The following ZNF555 variants were observed in gnomAD, a reference collection of about 807,000 sequenced individuals.
ZNF555 encodes the protein zinc finger protein 555.
In ZNF555, 10 loss-of-function variants were observed where a neutral mutation model predicts 14.0. The ratio of observed to expected loss-of-function variants is 0.72; its 90% confidence interval spans 0.44 to 1.21. The LOEUF (loss-of-function observed/expected upper bound fraction) is 1.21. Among genes scored for constraint, ZNF555 ranks in the 50% most tolerant of loss-of-function variants. The pLI is 0.00. For synonymous variants in ZNF555, 277 were observed against 262.4 expected (o/e 1.06, Z -0.54); for missense variants, 747 against 762.0 (o/e 0.98, Z 0.23).
In ZNF555 at chr19:2,860,055, T is replaced by G. The variant is rs1301720574; in HGVS notation, c.*6103T>G. ...GAATGCAAGTCAAGTACACTTTGTA[T>G]GGACAGTGGTAATTCCTAAGAAGGA... On this transcript the variant is annotated 3_prime_UTR_variant, in exon 4 of 4. Transcript: ENST00000334241. 6.6e-6 allele frequency: 1 copy of G among 152,166 alleles called. No individual in the cohort carries two copies. The highest frequency in any genetic ancestry group is 6.6e-5 in the Admixed American group (1 of 15,264). The allele number at this position is 152,166 out of a possible 1,614,324, so 9.4% of individuals were successfully genotyped here. A position where few individuals can be genotyped will look rare whatever the true frequency, so the allele number is the denominator to read the frequency against.
chr19:2,843,855 C>A (rs2087559037), intron 1 of ZNF555, among the ~76,000 whole-genome samples: 1 of 152,066 alleles, frequency 6.6e-6, no homozygotes, highest in African/African-American at 2.4e-5. Context: ...GGCTGTGTCC[C>A]TTTACTTTGT....
intron 1 of ZNF555, 68 bp downstream of exon 1, chr19:2,841,643 C>T (rs2087536861): frequency 7.0e-7 from 1 of 1,436,864 alleles, no homozygotes; most frequent in East Asian, 3.0e-5. Context: ...GAGACCGCGG[C>T]TTGGGGGGAG....
Position 2,844,098 on chromosome 19 carries a change from C to CT in ZNF555, c.3+2543dup, listed in dbSNP as rs1215032735. Among the ~76,000 whole-genome samples the CT allele has an allele frequency of 7.2e-3, 419 of 58,134 alleles. 3 individuals carry two copies. Among genetic ancestry groups the CT allele is most frequent in the Admixed American group, 0.013 (47 of 3,618 alleles). The allele number at this position is 58,134 out of a possible 152,430, so 38.1% of individuals were successfully genotyped here. On this transcript the variant is annotated intron_variant, in intron 1 of 3. Transcript: ENST00000334241. ...TCTTTCCTTTCTCTCTCTCTCTTTTCTTTTTTTTTTTTTTTTTTTTAAAGA... is the reference window on the plus strand; with the variant it reads ...TCTTTCCTTTCTCTCTCTCTCTTTTCTTTTTTTTTTTTTTTTTTTTTAAAGA...
rs940986148 is a variant in ZNF555, at chr19:2,850,479, G to A, written c.4-108G>A. 5 of 1,473,870 alleles carry A rather than the reference G, an allele frequency of 3.4e-6. No individual in the cohort carries two copies. The African/African-American group carries it at 5.6e-5, about 17-fold the overall frequency. The allele number at this position is 1,473,870 out of a possible 1,614,324, so 91.3% of individuals were successfully genotyped here. ...GGTGTGACAACTGAGTCACAGGGTA[G>A]ATGTCAGGGAATCACAGAATCTTGT... On this transcript the variant is annotated intron_variant, in intron 1 of 3. Coordinates refer to ENST00000334241, the MANE Select transcript of ZNF555 (RefSeq NM_152791.5).
At position 2,852,789 on chromosome 19, in the gene ZNF555, A is replaced by G. The variant is rs775903186; in HGVS notation, c.724A>G (p.Ser242Gly). Residue 242 changes from serine to glycine, a missense_variant, in exon 4 of 4, where the codon AGT (serine) becomes GGT (glycine). By Grantham distance (56) the Ser-to-Gly change is moderately conservative (BLOSUM62 0). Coordinates refer to ENST00000334241, the MANE Select transcript of ZNF555 (RefSeq NM_152791.5). ...TGGGAAAGCCTTTATTGACTTCTCA[A>G]GTCTTACTAGTCATCTCAGAAGTCA... is the stretch of plus-strand genomic sequence containing the variant. ...QCGKAFIDFS[S>G]LTSHLRSHTG... is the part of the protein sequence containing the mutation. The G allele has an allele frequency of 3.9e-5, 63 of 1,614,002 alleles. No individual in the cohort carries two copies. Among genetic ancestry groups the G allele is most frequent in the Non-Finnish European group, 5.0e-5 (59 of 1,180,012 alleles).
At chr19:2,844,378 C>T (rs887982209) in intron 1 of ZNF555, among the ~76,000 whole-genome samples, 5 of 151,438 alleles carry the variant, frequency 3.3e-5, no homozygotes, top group African/African-American at 1.2e-4. Flanking sequence ...GCTGGGATTA[C>T]AGGCGGGAGC....
chr19:2,853,093 A>G lies in ZNF555; in HGVS notation c.1028A>G (p.Lys343Arg), dbSNP rs2087648488. 3 of 1,614,214 alleles carry G rather than the reference A, an allele frequency of 1.9e-6. No homozygotes were observed. The highest frequency in any genetic ancestry group is 2.5e-6 in the Non-Finnish European group (3 of 1,180,032). The change falls in exon 4 of 4, where the codon AAA becomes AGA. Residue 343 changes from lysine to arginine, a missense_variant. Physicochemically the swap from Lys to Arg is conservative, Grantham distance 26. Coordinates refer to ENST00000334241, the MANE Select transcript of ZNF555 (RefSeq NM_152791.5). ...THTGEKPYEC[K>R]QCGKTFIYLQ... The stretch of plus-strand genomic sequence containing the variant: ...ACTGGAGAGAAACCCTACGAATGCA[A>G]ACAATGTGGGAAAACCTTCATTTAT...
Position 2,852,486 on chromosome 19 carries a change from A to G in ZNF555, c.421A>G (p.Lys141Glu), listed in dbSNP as rs762384295. 12 of 1,614,024 alleles carry G rather than the reference A, an allele frequency of 7.4e-6. No individual in the cohort carries two copies. The highest frequency in any genetic ancestry group is 3.4e-6 in the Non-Finnish European group (4 of 1,180,048). The stretch of plus-strand genomic sequence containing the variant: ...GTACAAGAAAATTCCACCTGGAGTA[A>G]AACAGTATGAATACAACACGTACGG... ...NLYKKIPPGV[K>E]QYEYNTYGKV... Residue 141 changes from lysine to glutamate, a missense_variant, in exon 4 of 4, where the codon AAA becomes GAA. By Grantham distance (56) the Lys-to-Glu change is moderately conservative (BLOSUM62 1). Transcript: ENST00000334241.
Position 2,853,654 on chromosome 19 carries a change from A to G in ZNF555, c.1589A>G (p.His530Arg). The G allele has an allele frequency of 6.3e-7, 1 of 1,594,304 alleles. No homozygotes were observed. The highest frequency in any genetic ancestry group is 1.3e-5 in the African/African-American group (1 of 74,512). ...CTTTTGCAACAACATGTGAGAACGC[A>G]CACTGTAGAGAAGCCCTATGAATGT... ...PELLQQHVRT[H>R]TVEKPYECKE... Residue 530 changes from histidine to arginine, a missense_variant, in exon 4 of 4, where the codon CAC becomes CGC. Coordinates refer to ENST00000334241, the MANE Select transcript of ZNF555 (RefSeq NM_152791.5).
At chr19:2,847,508 G>T (rs1308773673) in intron 1 of ZNF555, 2 of 152,036 alleles carry the variant, frequency 1.3e-5, no homozygotes, top group Non-Finnish European at 2.9e-5. Context: ...TGGTTAAGAT[G>T]GTAAATTGTA....
rs780379450 is a variant in ZNF555 at position 2,853,573 on chromosome 19, C to A, written c.1508C>A (p.Thr503Asn). 6.2e-7 allele frequency: 1 copy of A among 1,609,792 alleles called. No individual in the cohort carries two copies. Residue 503 changes from threonine (T) to asparagine (N), a missense_variant, in exon 4 of 4, where the codon ACC becomes AAC. Coordinates refer to ENST00000334241, the MANE Select transcript of ZNF555 (RefSeq NM_152791.5). Reference sequence around the variant, plus strand: ...TTACAAAAACATATGAGAAGACATACCGCAGAGAAACTCTATAAATGCAAG... The same window carrying A: ...TTACAAAAACATATGAGAAGACATAACGCAGAGAAACTCTATAAATGCAAG... ...ISLQKHMRRH[T>N]AEKLYKCKQC...
At chr19:2,845,618 T>G (rs981211327) in intron 1 of ZNF555, among the ~76,000 whole-genome samples, 4 of 152,240 alleles carry the variant, frequency 2.6e-5, no homozygotes, top group Admixed American at 1.3e-4. Context: ...TGCCAACATC[T>G]GTTATTTTTT....
Position 2,852,643 on chromosome 19 carries a change from C to T in ZNF555, c.578C>T (p.Thr193Ile), listed in dbSNP as rs1365622941. The change falls in exon 4 of 4, where the codon ACC (threonine) becomes ATC (isoleucine). Residue 193 changes from threonine to isoleucine, a missense_variant. Coordinates refer to ENST00000334241, the MANE Select transcript of ZNF555 (RefSeq NM_152791.5). ...TCACACCTAAGAATGCATGTGAGAA[C>T]CCACAATGGAGAGAGACCCTATGTG... ...CRSHLRMHVR[T>I]HNGERPYVCK... 2 of 1,614,044 alleles carry T rather than the reference C, an allele frequency of 1.2e-6. No individual in the cohort carries two copies. Among genetic ancestry groups the T allele is most frequent in the African/African-American group, 2.7e-5 (2 of 74,914 alleles).
chr19:2,842,011 C>T (rs753922301), intron 1 of ZNF555, among the ~76,000 whole-genome samples: 1 of 151,964 alleles, frequency 6.6e-6, no homozygotes, highest in Non-Finnish European at 1.5e-5. Context: ...GCCCTGGGGC[C>T]GACGCCGCGG....
intron 1 of ZNF555, among the ~76,000 whole-genome samples, chr19:2,844,470 C>T (rs1258082240): frequency 6.6e-6 from 1 of 152,140 alleles, no homozygotes; most frequent in Non-Finnish European, 1.5e-5. Flanking sequence ...AACTCCTGAC[C>T]TCAGGTGGCC....
At chr19:2,851,787 A>C in intron 3 of ZNF555, 136 bp downstream of exon 3, 2 of 766,364 alleles carry the variant, frequency 2.6e-6, no homozygotes, top group Non-Finnish European at 3.9e-6. Flanking sequence ...TTTTTACAAA[A>C]AAATATTTCT....
Position 2,853,410 on chromosome 19 carries a change from G to T in ZNF555, c.1345G>T (p.Glu449Ter). Residue 449 changes from glutamate to a stop codon, truncating the protein, a stop_gained, in exon 4 of 4, where the codon GAG becomes TAG. Transcript: ENST00000334241. LOFTEE classifies it low-confidence loss of function (END_TRUNC). ...AAAACATATGAGAACACATACTAGAGAGAAACCCTATGAATGTAAGCAGTG... is the reference window on the plus strand; with the variant it reads ...AAAACATATGAGAACACATACTAGATAGAAACCCTATGAATGTAAGCAGTG... Reference protein sequence around the residue: ...LRKHMRTHTREKPYECKQCGK... With the variant: ...LRKHMRTHTR The T allele has an allele frequency of 6.2e-7, 1 of 1,614,112 alleles. No homozygotes were observed. Among genetic ancestry groups the T allele is most frequent in the South Asian group, 1.1e-5 (1 of 91,086 alleles).
Position 2,858,050 on chromosome 19 carries a change from C to T in ZNF555, c.*4098C>T, listed in dbSNP as rs557553478. On this transcript the variant is annotated 3_prime_UTR_variant, in exon 4 of 4. Coordinates refer to ENST00000334241, the MANE Select transcript of ZNF555 (RefSeq NM_152791.5). Reference sequence around the variant, plus strand: ...CCAAAAAATTAAAAAGTGAGCCAGGCGGGGTGGTGCACGTCTGTGGTCCCA... The same window carrying T: ...CCAAAAAATTAAAAAGTGAGCCAGGTGGGGTGGTGCACGTCTGTGGTCCCA... 18 of 152,324 alleles carry T rather than the reference C, an allele frequency of 1.2e-4. No individual in the cohort carries two copies. The highest frequency in any genetic ancestry group is 2.2e-4 in the African/African-American group (9 of 41,356). The allele number at this position is 152,324 out of a possible 1,614,324, so 9.4% of individuals were successfully genotyped here.
intron 1 of ZNF555, among the ~76,000 whole-genome samples, chr19:2,842,345 A>G (rs1217920584): frequency 6.6e-6 from 1 of 152,234 alleles, no homozygotes; most frequent in Non-Finnish European, 1.5e-5. Flanking sequence ...CACACAAGGA[A>G]GAAAAGTAAC....
Sources: gnomAD v4.1 joint callset for allele counts (sites outside exome capture counted in the v4.1 genomes callset) on GRCh38, gnomAD v4.1.1 for gene constraint, MANE v1.5 for transcripts, NCBI Gene and HGNC (gene_info 2026-07-23, HGNC 2026-07-21) for gene names.